XIAP: variants seen among roughly 807,000 people sequenced by gnomAD.
XIAP encodes the protein X-linked inhibitor of apoptosis, also known as E3 ubiquitin-protein ligase XIAP.
XIAP carries 3 observed loss-of-function variants against 33.1 expected under a neutral mutation model. That is an observed-to-expected ratio of 0.09 (90% CI 0.04 to 0.23). The LOEUF is 0.23. Ranked by LOEUF, XIAP falls within the 10% of genes least tolerant of loss-of-function variation. The probability of loss-of-function intolerance (pLI) is 1.00; values close to 1 mark genes in which losing one functional copy is unlikely to be tolerated. For synonymous variants in XIAP, 98 were observed against 121.3 expected (o/e 0.81, Z 1.26); for missense variants, 264 against 363.0 (o/e 0.73, Z 2.22).
chrX:123,859,863 C>G (rs2053061829), upstream of XIAP: 4 of 248,307 alleles, frequency 1.6e-5, no homozygotes, highest in Admixed American at 1.6e-4. Flanking sequence ...TGGCGGCGCC[C>G]GGAGCCGGCG....
chrX:123,895,638 G>A (rs2053452302), intron 5 of XIAP, among the ~76,000 whole-genome samples: 1 of 111,991 alleles, frequency 8.9e-6, no homozygotes, highest in East Asian at 2.8e-4. Flanking sequence ...TCTAGTGGAT[G>A]TGACATGGTA....
chrX:123,885,576 G>A, intron 1 of XIAP, 55 bp from the exon 2 acceptor site: 1 of 1,035,143 alleles, frequency 9.7e-7, no homozygotes, highest in Non-Finnish European at 1.3e-6. Flanking sequence ...TATAACAAAA[G>A]TCTGTTGCTT....
At chrX:123,860,872 T>C (rs28382702) in intron 1 of XIAP, among the ~76,000 whole-genome samples, 22,937 of 110,715 alleles carry the variant, frequency 0.21, 1,681 homozygotes, top group South Asian at 0.38. Context: ...CTCTCCACCT[T>C]CGAAAAAGGA....
At chrX:123,876,496 G>A (rs1482785896) in intron 1 of XIAP, among the ~76,000 whole-genome samples, 1 of 110,890 alleles carries the variant, frequency 9.0e-6, no homozygotes, top group Non-Finnish European at 1.9e-5. Flanking sequence ...TTGAGTCCAG[G>A]AATTCCAGAC....
chrX:123,882,060 C>T (rs1449769536), intron 1 of XIAP, among the ~76,000 whole-genome samples: 1 of 111,843 alleles, frequency 8.9e-6, no homozygotes, highest in Non-Finnish European at 1.9e-5. Flanking sequence ...TGGCCACTTA[C>T]ATCTATTTTG....
rs1003019429 is a variant in XIAP at position 123,908,639 on chromosome X, T to G, written c.*1458T>G. On this transcript the variant is annotated 3_prime_UTR_variant, in exon 7 of 7. Coordinates refer to ENST00000371199, the MANE Select transcript of XIAP (RefSeq NM_001167.4). ...CTTTCCTCTACCTACATTTGTTTTC[T>G]TGGCTAGTAATAGTAGTAGATACTT... The G allele has an allele frequency of 1.4e-4, 50 of 359,471 alleles. No individual in the cohort carries two copies. The highest frequency in any genetic ancestry group is 1.1e-3 in the African/African-American group (43 of 39,211). 29.6% of individuals were successfully genotyped at this position (359,471 alleles called of 1,213,427 possible). A position where few individuals can be genotyped will look rare whatever the true frequency, so the allele number is the denominator to read the frequency against.
chrX:123,909,943 A>G lies in XIAP; in HGVS notation c.*2762A>G, dbSNP rs771809960. ...ATTGATCATTTGCAAAGTCAAAACT[A>G]TAGCCATATCCAAATCTTTTCCCCC... On this transcript the variant is annotated 3_prime_UTR_variant, in exon 7 of 7. Transcript: ENST00000371199. The G allele has an allele frequency of 1.2e-5, 4 of 328,119 alleles. No individual in the cohort carries two copies. In the East Asian group the frequency reaches 2.9e-4, roughly 24 times the overall value. The allele number at this position is 328,119 out of a possible 1,213,427, so 27.0% of individuals were successfully genotyped here.
In XIAP at chrX:123,872,231, C is replaced by G. The variant is rs187149230; in HGVS notation, c.-33+11938C>G. The stretch of plus-strand genomic sequence containing the variant: ...CTTTCTTCTTACCAGGCCCCAAAGT[C>G]ATTGTAAATTTTTACAAGGCAGTGG... On this transcript the variant is annotated intron_variant, in intron 1 of 6. Transcript: ENST00000371199. Among the ~76,000 whole-genome samples the G allele has an allele frequency of 2.6e-4, 29 of 110,943 alleles. No individual in the cohort carries two copies. The East Asian group carries it at 7.3e-3, about 28-fold the overall frequency.
chrX:123,878,369 C>A (rs1341750076), intron 1 of XIAP, among the ~76,000 whole-genome samples: 1 of 111,631 alleles, frequency 9.0e-6, no homozygotes, highest in Non-Finnish European at 1.9e-5. Context: ...AGAAACAACC[C>A]CAGTAACCAT....
rs184272337 is a variant in XIAP, at chrX:123,888,724, A to C, written c.977+6A>C. ...CATGCTAAATGGTATCCAGGGTAAG[A>C]TATTTAATTGTTCATTGTACAGGCA... is the stretch of plus-strand genomic sequence containing the variant. On this transcript the variant is annotated splice_donor_region_variant and intron_variant, in intron 3 of 6. Transcript: ENST00000371199. 2 of 1,199,922 alleles carry C rather than the reference A, an allele frequency of 1.7e-6. No individual in the cohort carries two copies. Among genetic ancestry groups the C allele is most frequent in the Non-Finnish European group, 2.3e-6 (2 of 884,567 alleles).
In XIAP at chrX:123,891,312, G is replaced by A; in HGVS notation, c.1052G>A (p.Cys351Tyr). The part of the protein sequence containing the change: ...NIHLTHSLEE[C>Y]LVRTTEKTPS... ...CATTTAACTCATTCACTTGAGGAGT[G>A]TCTGGTAAGTCTCATATAATTTATA... is the stretch of plus-strand genomic sequence containing the variant. The change falls in exon 4 of 7, where the codon TGT (cysteine) becomes TAT (tyrosine). Residue 351 changes from cysteine to tyrosine, a missense_variant. Physicochemically the swap from Cys to Tyr is radical, Grantham distance 194. Coordinates refer to ENST00000371199, the MANE Select transcript of XIAP (RefSeq NM_001167.4). 8 of 986,936 alleles carry A rather than the reference G, an allele frequency of 8.1e-6. No homozygotes were observed. Among genetic ancestry groups the A allele is most frequent in the Non-Finnish European group, 1.1e-5 (8 of 707,287 alleles). The allele number at this position is 986,936 out of a possible 1,213,427, so 81.3% of individuals were successfully genotyped here.
intron 5 of XIAP, among the ~76,000 whole-genome samples, chrX:123,899,479 A>G (rs916670673): frequency 3.7e-5 from 4 of 107,900 alleles, no homozygotes; most frequent in Non-Finnish European, 5.7e-5. Context: ...AGATTAAGAT[A>G]TAGAACATTC....
chrX:123,907,973 G>A lies in XIAP; in HGVS notation c.*792G>A, dbSNP rs756174545. 2.9e-4 allele frequency: 89 copies of A among 311,996 alleles called. No homozygotes were observed. The highest frequency in any genetic ancestry group is 2.1e-3 in the African/African-American group (71 of 33,818). The allele number at this position is 311,996 out of a possible 1,213,427, so 25.7% of individuals were successfully genotyped here. A position where few individuals can be genotyped will look rare whatever the true frequency, so the allele number is the denominator to read the frequency against. On this transcript the variant is annotated 3_prime_UTR_variant, in exon 7 of 7. Coordinates refer to ENST00000371199, the MANE Select transcript of XIAP (RefSeq NM_001167.4). Reference sequence around the variant, plus strand: ...CTCTTCGGGGAGGGGGGGATTGGGGGAGGGGCCCCAGAGGGGTTTTATAGG... The same window carrying A: ...CTCTTCGGGGAGGGGGGGATTGGGGAAGGGGCCCCAGAGGGGTTTTATAGG...
At chrX:123,865,689 A>G (rs1438679003) in intron 1 of XIAP, among the ~76,000 whole-genome samples, 5 of 110,980 alleles carry the variant, frequency 4.5e-5, no homozygotes, top group Non-Finnish European at 9.5e-5. Flanking sequence ...GCGCCACTGC[A>G]CTCCAGCCTG....
chrX:123,864,129 A>G (rs1366396394), intron 1 of XIAP, among the ~76,000 whole-genome samples: 2 of 110,013 alleles, frequency 1.8e-5, no homozygotes, highest in Admixed American at 2.0e-4. Flanking sequence ...GCTAATTTGT[A>G]TAGTGCTTAA....
intron 1 of XIAP, among the ~76,000 whole-genome samples, chrX:123,884,330 C>T (rs774091941): frequency 1.8e-5 from 2 of 110,428 alleles, no homozygotes; most frequent in Non-Finnish European, 3.8e-5. Flanking sequence ...CTAAAAAATA[C>T]AAAATTAGCC....
chrX:123,901,190 C>T (rs1004471846), intron 6 of XIAP, among the ~76,000 whole-genome samples: 2 of 111,711 alleles, frequency 1.8e-5, no homozygotes, highest in South Asian at 7.4e-4. Context: ...TGAGTTCTAC[C>T]AGCCTGGACA....
At position 123,888,646 on chromosome X, in the gene XIAP, A is replaced by G; in HGVS notation, c.905A>G (p.His302Arg). ...LGEGDKVKCF[H>R]CGGGLTDWKP... is the part of the protein sequence containing the mutation. ...GAAGGTGATAAAGTAAAGTGCTTTC[A>G]CTGTGGAGGAGGGCTAACTGATTGG... Residue 302 changes from histidine to arginine, a missense_variant, in exon 3 of 7, where the codon CAC (histidine) becomes CGC (arginine). Coordinates refer to ENST00000371199, the MANE Select transcript of XIAP (RefSeq NM_001167.4). 1 of 1,211,766 alleles carries G rather than the reference A, an allele frequency of 8.3e-7. No individual in the cohort carries two copies. The highest frequency in any genetic ancestry group is 1.1e-6 in the Non-Finnish European group (1 of 895,404).
intron 5 of XIAP, among the ~76,000 whole-genome samples, chrX:123,900,054 A>C (rs753656124): frequency 8.9e-6 from 1 of 111,983 alleles, no homozygotes; most frequent in East Asian, 2.8e-4. Flanking sequence ...AGAGCTAGGA[A>C]ATTGACACAT....
Sources: gnomAD v4.1 joint callset for allele counts (sites outside exome capture counted in the v4.1 genomes callset) on GRCh38, gnomAD v4.1.1 for gene constraint, MANE v1.5 for transcripts, NCBI Gene and HGNC (gene_info 2026-07-23, HGNC 2026-07-21) for gene names.